PTK2B: variants seen among roughly 807,000 people sequenced by gnomAD.
PTK2B encodes protein-tyrosine kinase 2-beta.
A neutral mutation model predicts 142.9 loss-of-function variants in PTK2B; 71 were observed. The ratio of observed to expected loss-of-function variants is 0.50; its 90% CI spans 0.41 to 0.61. The LOEUF (loss-of-function observed/expected upper bound fraction) is 0.61, where lower values mean the gene tolerates loss of function less well. PTK2B is among the 20% of genes least tolerant of loss of function. PTK2B has a pLI of 0.00. For synonymous variants in PTK2B, 519 were observed against 503.4 expected (o/e 1.03, Z -0.42); for missense variants, 1,105 against 1,320.4 (o/e 0.84, Z 2.53).
chr8:27,420,541 T>A (rs1271178679), intron 3 of PTK2B, 116 bp from the exon 4 acceptor site: 8 of 965,154 alleles, frequency 8.3e-6, no homozygotes, highest in Admixed American at 7.6e-5. Context: ...ACGAGACTCA[T>A]GGGCAGCCCT....
In PTK2B at chr8:27,422,326, G is replaced by A. The variant is rs768558812; in HGVS notation, c.494G>A (p.Arg165His). 2.0e-5 allele frequency: 33 copies of A among 1,613,624 alleles called. No individual in the cohort carries two copies. Among genetic ancestry groups the A allele is most frequent in the Non-Finnish European group, 1.7e-5 (20 of 1,179,820 alleles). The change falls in exon 5 of 31, where the codon CGC (arginine) becomes CAC (histidine). Residue 165 changes from arginine (R) to histidine (H), a missense_variant. By Grantham distance (29) the Arg-to-His change is conservative (BLOSUM62 0). Transcript: ENST00000346049. ...YQQLRNDYMQ[R>H]YASKVSEGMA... ...CAGCTCCGGAACGACTACATGCAGC[G>A]CTACGCCAGCAAGGTCAGCGAGGGC...
intron 1 of PTK2B, among the ~76,000 whole-genome samples, chr8:27,352,531 G>A (rs1805159387): frequency 6.6e-6 from 1 of 152,304 alleles, no homozygotes; most frequent in African/African-American, 2.4e-5. Context: ...TATAGAATCA[G>A]CTATGAAAGG....
chr8:27,358,391 ACTT>A (rs748925200), intron 1 of PTK2B, among the ~76,000 whole-genome samples: 2 of 152,064 alleles, frequency 1.3e-5, no homozygotes, highest in African/African-American at 2.4e-5. Flanking sequence ...TATGATTGTA[ACTT>A]CTTGGCAAAT....
rs555264048 is a variant in PTK2B, at chr8:27,411,459, C to T, written c.205-8436C>T. ...TGAGGCAAGGGCCTATGTGTGTGCA[C>T]GAGAGCCCCTATCTCTGTTTTGCAT... On this transcript the variant is annotated intron_variant, in intron 2 of 30. Transcript: ENST00000346049. Among the ~76,000 whole-genome samples the T allele has an allele frequency of 2.6e-5, 4 of 152,250 alleles. No homozygotes were observed. In the South Asian group the frequency reaches 6.2e-4, roughly 24 times the overall value.
At chr8:27,403,615 C>T (rs1379937597) in intron 2 of PTK2B, among the ~76,000 whole-genome samples, 1 of 152,136 alleles carries the variant, frequency 6.6e-6, no homozygotes, top group South Asian at 2.1e-4. Context: ...CTGGGGCAAG[C>T]AGAGGCTCAT....
rs537148721 is a variant in PTK2B at position 27,403,477 on chromosome 8, A to AG, written c.204+5691dup. Among the ~76,000 whole-genome samples the AG allele has an allele frequency of 4.6e-5, 7 of 152,314 alleles. No individual in the cohort carries two copies. In the South Asian group the frequency reaches 1.4e-3, roughly 32 times the overall value. On this transcript the variant is annotated intron_variant, in intron 2 of 30. Transcript: ENST00000346049. The stretch of plus-strand genomic sequence containing the variant: ...TGAATAAGCGCTGGCCCCTGTGCCT[A>AG]GGACCTAAAAGAAATTAGGCAGGTG...
At chr8:27,348,864 CT>C (rs1429415058) in intron 1 of PTK2B, among the ~76,000 whole-genome samples, 1 of 152,136 alleles carries the variant, frequency 6.6e-6, no homozygotes, top group African/African-American at 2.4e-5. Flanking sequence ...CCACATCCCC[CT>C]GCATCCCAAG....
intron 23 of PTK2B, among the ~76,000 whole-genome samples, chr8:27,444,782 C>G (rs1811360336): frequency 6.6e-6 from 1 of 152,190 alleles, no homozygotes; most frequent in Non-Finnish European, 1.5e-5. Context: ...TCTCTCTTGC[C>G]TCTAGGAGAG....
intron 1 of PTK2B, among the ~76,000 whole-genome samples, chr8:27,349,629 C>T (rs963603722): frequency 6.6e-6 from 1 of 152,222 alleles, no homozygotes; most frequent in Non-Finnish European, 1.5e-5. Context: ...GAGCGAAGAG[C>T]ACCTGGCATG....
intron 1 of PTK2B, among the ~76,000 whole-genome samples, chr8:27,358,344 A>G (rs997716018): frequency 1.3e-5 from 2 of 152,180 alleles, no homozygotes; most frequent in African/African-American, 4.8e-5. Flanking sequence ...TTTTTGCTTT[A>G]TATTTTTAAT....
chr8:27,352,088 C>T (rs1363524013), intron 1 of PTK2B, among the ~76,000 whole-genome samples: 1 of 152,164 alleles, frequency 6.6e-6, no homozygotes, highest in Admixed American at 6.5e-5. Flanking sequence ...CTCAGGGGAC[C>T]CACGGCGGGG....
chr8:27,442,973 C>T lies in PTK2B; in HGVS notation c.2138C>T (p.Pro713Leu). ...TTGGAGCCCACAGCCTTCCAGGAACCCCCACCCAAGGTAAGCCAAGCCATG... is the reference window on the plus strand; with the variant it reads ...TTGGAGCCCACAGCCTTCCAGGAACTCCCACCCAAGGTAAGCCAAGCCATG... ...KILEPTAFQE[P>L]PPKPSRPKYR... The change falls in exon 22 of 31, where the codon CCC (proline) becomes CTC (leucine). Residue 713 changes from proline (P) to leucine (L), a missense_variant. Pro to Leu is a moderately conservative substitution (Grantham distance 98). Coordinates refer to ENST00000346049, the MANE Select transcript of PTK2B (RefSeq NM_173176.3). 2 of 1,613,564 alleles carry T rather than the reference C, an allele frequency of 1.2e-6. No individual in the cohort carries two copies. The highest frequency in any genetic ancestry group is 1.7e-6 in the Non-Finnish European group (2 of 1,179,524).
chr8:27,323,529 G>C (rs555532066), upstream of PTK2B: 1 of 152,258 alleles, frequency 6.6e-6, no homozygotes, highest in African/African-American at 2.4e-5. Context: ...CTCTAACTGG[G>C]GTAGATCATT....
intron 1 of PTK2B, among the ~76,000 whole-genome samples, chr8:27,341,565 G>T (rs1440538236): frequency 2.6e-5 from 4 of 152,144 alleles, no homozygotes; most frequent in Admixed American, 2.6e-4. Context: ...GGTGTTCTGA[G>T]GGGAGATGTG....
chr8:27,434,503 C>A lies in PTK2B; in HGVS notation c.1146-10C>A, dbSNP rs1393471319. ...AGCTCACCTGGCTTCTGCTCTCTCACCTCCTACAGAAACCTGGAGGCCCGG... is the reference window on the plus strand; with the variant it reads ...AGCTCACCTGGCTTCTGCTCTCTCAACTCCTACAGAAACCTGGAGGCCCGG... On this transcript the variant is annotated splice_polypyrimidine_tract_variant and intron_variant, in intron 12 of 30. Transcript: ENST00000346049. 1.2e-6 allele frequency: 2 copies of A among 1,608,998 alleles called. No individual in the cohort carries two copies. The highest frequency in any genetic ancestry group is 2.2e-5 in the East Asian group (1 of 44,744).
At chr8:27,368,531 G>A (rs1248261392) in intron 1 of PTK2B, among the ~76,000 whole-genome samples, 2 of 152,156 alleles carry the variant, frequency 1.3e-5, no homozygotes, top group Admixed American at 6.5e-5. Flanking sequence ...AATAGTCTTG[G>A]CCCTATTGCA....
At chr8:27,365,655 C>A (rs1586169115) in intron 1 of PTK2B, among the ~76,000 whole-genome samples, 2 of 152,058 alleles carry the variant, frequency 1.3e-5, no homozygotes, top group Non-Finnish European at 2.9e-5. Context: ...ATACCAACTT[C>A]GTTTTGCGGA....
intron 23 of PTK2B, 139 bp downstream of exon 23, chr8:27,444,410 C>A: frequency 1.1e-6 from 1 of 895,374 alleles, no homozygotes; most frequent in Non-Finnish European, 1.8e-6. Context: ...CTTTGGCACC[C>A]AGAACAGAAT....
chr8:27,311,495 C>A, exon 1 of PTK2B: 1 of 545,496 alleles, frequency 1.8e-6, no homozygotes, highest in African/African-American at 2.0e-5. Flanking sequence ...GTTCCCGCCT[C>A]CTCAGGTCCG....
Sources: allele counts gnomAD v4.1 joint callset (sites outside exome capture counted in the v4.1 genomes callset), GRCh38; gene constraint gnomAD v4.1.1; transcripts MANE v1.5; gene names NCBI Gene and HGNC (gene_info 2026-07-23, HGNC 2026-07-21).